The following STXBP6 variants were observed in gnomAD, a reference collection of about 807,000 sequenced individuals.
STXBP6 encodes the protein syntaxin binding protein 6.
Under a neutral mutation model 26.9 loss-of-function variants are expected in STXBP6, and 21 were observed. The ratio of observed to expected loss-of-function variants is 0.78; its 90% CI spans 0.55 to 1.12. The LOEUF (loss-of-function observed/expected upper bound fraction) is 1.12, where lower values mean the gene tolerates loss of function less well. STXBP6 is among the 50% of genes most tolerant of loss of function. The pLI, the probability that STXBP6 is intolerant of heterozygous loss-of-function variation, is 0.00. For missense variants in STXBP6, 232 were observed against 257.9 expected, an observed-to-expected ratio of 0.90 and a Z score of 0.69; for synonymous variants, 97 against 92.6, an observed-to-expected ratio of 1.05 and a Z score of -0.27.
At chr14:24,985,505 C>A (rs2074308252) in intron 1 of STXBP6, among the ~76,000 whole-genome samples, 1 of 152,214 alleles carries the variant, frequency 6.6e-6, no homozygotes, top group Non-Finnish European at 1.5e-5. Context: ...GTATTACCCC[C>A]ACTCTGGCAT....
At chr14:25,028,499 A>C (rs1326406004) in intron 1 of STXBP6, among the ~76,000 whole-genome samples, 1 of 151,478 alleles carries the variant, frequency 6.6e-6, no homozygotes, top group Non-Finnish European at 1.5e-5. Context: ...GTTGAGACTG[A>C]CTGCTCAGAA....
At chr14:24,979,425 T>A (rs2074129072) in intron 1 of STXBP6, among the ~76,000 whole-genome samples, 1 of 152,236 alleles carries the variant, frequency 6.6e-6, no homozygotes, top group African/African-American at 2.4e-5. Flanking sequence ...CCTGGAAGAC[T>A]CTGGGGGGAA....
intron 2 of STXBP6, among the ~76,000 whole-genome samples, chr14:24,888,379 A>G (rs1272332809): frequency 6.6e-6 from 1 of 152,170 alleles, no homozygotes; most frequent in African/African-American, 2.4e-5. Context: ...AAATCTAAGG[A>G]TTTTAAGGCA....
intron 1 of STXBP6, among the ~76,000 whole-genome samples, chr14:25,023,885 C>T (rs181665158): frequency 2.0e-5 from 3 of 152,256 alleles, no homozygotes; most frequent in African/African-American, 7.2e-5. Flanking sequence ...TTGATCCTGA[C>T]AACCTGGGAG....
At chr14:24,869,468 C>T (rs1308198445) in intron 2 of STXBP6, among the ~76,000 whole-genome samples, 3 of 152,090 alleles carry the variant, frequency 2.0e-5, no homozygotes, top group East Asian at 3.9e-4. Context: ...ATGATTTCTT[C>T]CTAAGAAAAA....
intron 1 of STXBP6, among the ~76,000 whole-genome samples, chr14:25,027,513 A>G (rs1566572025): frequency 6.6e-6 from 1 of 152,114 alleles, no homozygotes; most frequent in African/African-American, 2.4e-5. Context: ...AACTCTATCA[A>G]TAAATGTATG....
intron 2 of STXBP6, among the ~76,000 whole-genome samples, chr14:24,945,632 C>T (rs770165498): frequency 6.6e-6 from 1 of 151,938 alleles, no homozygotes; most frequent in Non-Finnish European, 1.5e-5. Context: ...ATTAGATAAC[C>T]ACTGCCAATA....
intron 2 of STXBP6, among the ~76,000 whole-genome samples, chr14:24,890,584 G>A (rs552870277): frequency 3.9e-5 from 6 of 152,186 alleles, no homozygotes; most frequent in Non-Finnish European, 8.8e-5. Context: ...CTGTGAAATT[G>A]CTGAATACTA....
intron 4 of STXBP6, among the ~76,000 whole-genome samples, chr14:24,830,503 T>C (rs1169481544): frequency 1.3e-5 from 2 of 152,066 alleles, no homozygotes; most frequent in African/African-American, 4.8e-5. Context: ...GTTTGAGCAA[T>C]TGGGTAGGTA....
chr14:24,857,027 C>A lies in STXBP6; in HGVS notation c.285G>T (p.Gly95=), dbSNP rs993074538. The A allele has an allele frequency of 6.2e-7, 1 of 1,612,336 alleles. No individual in the cohort carries two copies. Among genetic ancestry groups the A allele is most frequent in the South Asian group, 1.1e-5 (1 of 90,980 alleles). ...GCTCAGCATTGGACAATTCACTCAC[C>A]CCATTAGGATCGATACCATTAACCT... ...LRQVNGIDPN[G]DSAEFDLLFE... is the part of the protein sequence containing the mutation. Residue 95 remains glycine, a splice_region_variant and synonymous_variant, in exon 3 of 6, where the codon GGG becomes GGT. Coordinates refer to ENST00000323944, the MANE Select transcript of STXBP6 (RefSeq NM_001394410.1).
intron 1 of STXBP6, among the ~76,000 whole-genome samples, chr14:25,012,433 C>A (rs766103749): frequency 7.9e-5 from 12 of 151,934 alleles, no homozygotes; most frequent in Non-Finnish European, 1.8e-4. Context: ...TGAGACCAGC[C>A]TGGCCAATAT....
intron 1 of STXBP6, among the ~76,000 whole-genome samples, chr14:24,989,231 A>G (rs28565426): frequency 0.033 from 4,970 of 152,256 alleles, 265 homozygotes; most frequent in African/African-American, 0.11. Flanking sequence ...CTATTTTTCT[A>G]ATAACTGGCC....
At chr14:25,029,057 G>C (rs956748684) in intron 1 of STXBP6, among the ~76,000 whole-genome samples, 7 of 152,150 alleles carry the variant, frequency 4.6e-5, no homozygotes, top group African/African-American at 1.7e-4. Context: ...AGGTGGTGAA[G>C]ATGCTGTGAA....
chr14:24,927,672 A>C (rs949675022), intron 2 of STXBP6, among the ~76,000 whole-genome samples: 1 of 152,158 alleles, frequency 6.6e-6, no homozygotes, highest in Non-Finnish European at 1.5e-5. Context: ...TAGTCTCTCT[A>C]TGTCCTTTGT....
intron 3 of STXBP6, 32 bp from the exon 4 acceptor site, chr14:24,856,133 C>T (rs1293598296): frequency 1.3e-6 from 2 of 1,544,916 alleles, no homozygotes; most frequent in Middle Eastern, 1.8e-4. Context: ...CTACTAATCT[C>T]AATCTATAAA....
intron 2 of STXBP6, among the ~76,000 whole-genome samples, chr14:24,958,459 T>C (rs900712810): frequency 6.6e-6 from 1 of 152,156 alleles, no homozygotes; most frequent in African/African-American, 2.4e-5. Flanking sequence ...ACCTCAACTT[T>C]ACAGAGCTGT....
chr14:24,818,321 C>T (rs2138724032), intron 5 of STXBP6, among the ~76,000 whole-genome samples: 1 of 152,304 alleles, frequency 6.6e-6, no homozygotes, highest in Admixed American at 6.5e-5. Flanking sequence ...AGATAGCTGG[C>T]TGCCAATAAA....
At chr14:24,840,365 C>T (rs917181891) in intron 4 of STXBP6, among the ~76,000 whole-genome samples, 1 of 152,188 alleles carries the variant, frequency 6.6e-6, no homozygotes, top group Non-Finnish European at 1.5e-5. Flanking sequence ...CAAGATGCGA[C>T]CACAGGATTG....
intron 2 of STXBP6, among the ~76,000 whole-genome samples, chr14:24,877,293 T>G (rs1301968342): frequency 6.6e-6 from 1 of 152,180 alleles, no homozygotes; most frequent in East Asian, 1.9e-4. Context: ...CTACTTGTTC[T>G]TTTTAAAATT....
Sources: allele counts gnomAD v4.1 joint callset (sites outside exome capture counted in the v4.1 genomes callset), GRCh38; gene constraint gnomAD v4.1.1; transcripts MANE v1.5; gene names NCBI Gene and HGNC (gene_info 2026-07-23, HGNC 2026-07-21).